Variants in SLC24A2 observed in about 807,000 individuals in gnomAD.
The protein encoded by SLC24A2 is sodium/potassium/calcium exchanger 2.
Under a neutral mutation model 62.0 loss-of-function variants are expected in SLC24A2, and 36 were observed. The ratio of observed to expected loss-of-function variants is 0.58; its 90% CI spans 0.44 to 0.77. SLC24A2 has a LOEUF of 0.77. Ranked by LOEUF, SLC24A2 falls within the 30% of genes least tolerant of loss-of-function variation. The pLI is 0.00. For missense variants in SLC24A2, 846 were observed against 817.9 expected (o/e 1.03, Z -0.42); for synonymous variants, 358 against 294.0 (o/e 1.22, Z -2.23).
intron 2 of SLC24A2, among the ~76,000 whole-genome samples, chr9:19,711,789 G>A (rs1457340744): frequency 1.3e-5 from 2 of 152,202 alleles, no homozygotes; most frequent in African/African-American, 4.8e-5. Flanking sequence ...AATCTCTGTT[G>A]TGTAGGCAGA....
intron 5 of SLC24A2, among the ~76,000 whole-genome samples, chr9:19,590,494 C>G (rs926056845): frequency 3.9e-5 from 6 of 152,316 alleles, no homozygotes; most frequent in African/African-American, 1.2e-4. Context: ...TTCCTTATTA[C>G]TTCTAGCCCA....
chr9:20,250,411 G>A, the SLC24A2 span, among the ~76,000 whole-genome samples: 1 of 152,172 alleles, frequency 6.6e-6, no homozygotes, highest in African/African-American at 2.4e-5. Flanking sequence ...CCAATCAACA[G>A]CTCTTTCCTA....
At chr9:19,843,712 T>A in the SLC24A2 span, among the ~76,000 whole-genome samples, 1 of 152,228 alleles carries the variant, frequency 6.6e-6, no homozygotes, top group East Asian at 1.9e-4. Flanking sequence ...CAGTATTTAT[T>A]GTTGCCATCT....
the SLC24A2 span, among the ~76,000 whole-genome samples, chr9:19,901,089 T>C: frequency 6.6e-6 from 1 of 152,208 alleles, no homozygotes; most frequent in Non-Finnish European, 1.5e-5. Context: ...ATTTAGCCAG[T>C]CGTGCAGGCA....
chr9:19,693,542 C>T (rs184551150), intron 2 of SLC24A2, among the ~76,000 whole-genome samples: 1 of 152,236 alleles, frequency 6.6e-6, no homozygotes, highest in Non-Finnish European at 1.5e-5. Context: ...TACCTAAACT[C>T]TTACTCTTTA....
the SLC24A2 span, among the ~76,000 whole-genome samples, chr9:20,186,461 C>T: frequency 0.12 from 17,544 of 152,050 alleles, 1,050 homozygotes; most frequent in African/African-American, 0.13. Context: ...GGATGGCTAC[C>T]CCCAGATTCT....
chr9:19,543,873 G>C (rs973788257), intron 8 of SLC24A2, among the ~76,000 whole-genome samples: 28 of 152,148 alleles, frequency 1.8e-4, no homozygotes, highest in African/African-American at 6.8e-4. Context: ...TTTAGAATAA[G>C]TGCGATGAGG....
the SLC24A2 span, among the ~76,000 whole-genome samples, chr9:19,826,134 A>T: frequency 6.6e-6 from 1 of 150,386 alleles, no homozygotes; most frequent in East Asian, 2.0e-4. Flanking sequence ...ATCATAACGC[A>T]AAATATGACA....
At chr9:20,105,633 A>G in the SLC24A2 span, among the ~76,000 whole-genome samples, 1 of 152,014 alleles carries the variant, frequency 6.6e-6, no homozygotes, top group African/African-American at 2.4e-5. Flanking sequence ...AGAAATAAAG[A>G]TGTTCTTTGA....
the SLC24A2 span, among the ~76,000 whole-genome samples, chr9:20,106,600 C>T: frequency 1.3e-5 from 2 of 152,138 alleles, no homozygotes; most frequent in African/African-American, 2.4e-5. Flanking sequence ...ACAAAAACCA[C>T]ATGATTATCT....
the SLC24A2 span, among the ~76,000 whole-genome samples, chr9:20,014,517 T>TATATATATATATATATATATATACACAC: frequency 5.3e-4 from 78 of 148,362 alleles, no homozygotes; most frequent in South Asian, 3.1e-3. Context: ...TATATATATA[T>TATATATATATATATATATATATACACAC]ACACACACAC....
the SLC24A2 span, among the ~76,000 whole-genome samples, chr9:19,879,639 A>T: frequency 6.6e-6 from 1 of 152,170 alleles, no homozygotes; most frequent in East Asian, 1.9e-4. Context: ...CAACTGAAAA[A>T]CATGGAAGAA....
the SLC24A2 span, among the ~76,000 whole-genome samples, chr9:20,254,927 C>G: frequency 2.0e-5 from 3 of 152,012 alleles, no homozygotes; most frequent in Non-Finnish European, 4.4e-5. Context: ...GTGGAAAATC[C>G]CCTTTATAAA....
chr9:19,856,034 T>C, the SLC24A2 span, among the ~76,000 whole-genome samples: 1 of 152,310 alleles, frequency 6.6e-6, no homozygotes, highest in Non-Finnish European at 1.5e-5. Context: ...TTCAGAAAGA[T>C]AGTCAAGCTC....
At chr9:19,945,116 A>G in the SLC24A2 span, among the ~76,000 whole-genome samples, 4 of 152,200 alleles carry the variant, frequency 2.6e-5, no homozygotes, top group African/African-American at 9.7e-5. Context: ...TCACCACAGC[A>G]TTGAGGTGTC....
the SLC24A2 span, among the ~76,000 whole-genome samples, chr9:20,182,720 C>T: frequency 8.5e-5 from 13 of 152,266 alleles, no homozygotes; most frequent in African/African-American, 3.1e-4. Context: ...CCAACAGGCA[C>T]ATGTATACCT....
the SLC24A2 span, among the ~76,000 whole-genome samples, chr9:20,206,730 C>G: frequency 6.6e-6 from 1 of 152,122 alleles, no homozygotes; most frequent in Non-Finnish European, 1.5e-5. Flanking sequence ...CTGCTCGCCT[C>G]AGCCTCCCAA....
intron 2 of SLC24A2, among the ~76,000 whole-genome samples, chr9:19,752,458 G>T (rs10811236): frequency 0.02 from 2,971 of 152,188 alleles, 44 homozygotes; most frequent in South Asian, 0.029. Context: ...GGTTAAGTCT[G>T]TCAAAGCGAT....
At chr9:19,908,556 G>A in the SLC24A2 span, among the ~76,000 whole-genome samples, 2 of 152,208 alleles carry the variant, frequency 1.3e-5, no homozygotes, top group South Asian at 4.1e-4. Context: ...ACAACCTACA[G>A]AATGAGAGAA....
Sources: allele counts gnomAD v4.1 joint callset (sites outside exome capture counted in the v4.1 genomes callset), GRCh38; gene constraint gnomAD v4.1.1; transcripts MANE v1.5; gene names NCBI Gene and HGNC (gene_info 2026-07-23, HGNC 2026-07-21).